The following GLB1 variants were observed in gnomAD, a reference collection of about 807,000 sequenced individuals.
GLB1 encodes beta-galactosidase.
A neutral mutation model predicts 74.0 loss-of-function variants in GLB1; 56 were observed. The ratio of observed to expected loss-of-function variants is 0.76; its 90% CI spans 0.61 to 0.94. The LOEUF (loss-of-function observed/expected upper bound fraction) is 0.94. GLB1 is among the 40% of genes least tolerant of loss of function. The pLI is 0.00. For missense variants in GLB1, 787 were observed against 845.5 expected, an observed-to-expected ratio of 0.93 and a Z score of 0.86; for synonymous variants, 323 against 323.6, an observed-to-expected ratio of 1.00 and a Z score of 0.02.
chr3:33,069,831 T>G, intron 2 of GLB1, among the ~76,000 whole-genome samples: 1 of 152,214 alleles, frequency 6.6e-6, no homozygotes, highest in Non-Finnish European at 1.5e-5. Flanking sequence ...ACTTTTATTT[T>G]AGGTTCAGGG....
At position 33,039,483 on chromosome 3, in the gene GLB1, T is replaced by C. The variant is rs1020868568; in HGVS notation, c.1068+6637A>G. On this transcript the variant is annotated intron_variant, in intron 10 of 15. Transcript: ENST00000307363. ...GCTCTAGAACTGACAAATGCAATCA[T>C]TGAAATTGAGTCTATAATATGGGTT... Among the ~76,000 whole-genome samples, 5 of 152,138 alleles carry C rather than the reference T, an allele frequency of 3.3e-5. No individual in the cohort carries two copies. In the East Asian group the frequency reaches 7.7e-4, roughly 23 times the overall value.
chr3:33,014,452 A>C, intron 14 of GLB1, 142 bp from the exon 15 acceptor site: 1 of 1,274,070 alleles, frequency 7.8e-7, no homozygotes, highest in Non-Finnish European at 1.1e-6. Flanking sequence ...GTGTACATCG[A>C]AGTAACACAG....
chr3:32,969,984 C>T, the GLB1 span, among the ~76,000 whole-genome samples: 3 of 152,198 alleles, frequency 2.0e-5, no homozygotes, highest in African/African-American at 7.2e-5. Flanking sequence ...GCTATCAGTA[C>T]ATGTTGGTGT....
intron 10 of GLB1, among the ~76,000 whole-genome samples, chr3:33,028,124 G>A (rs984405360): frequency 2.0e-5 from 3 of 151,970 alleles, no homozygotes; most frequent in African/African-American, 4.8e-5. Context: ...GCCTGGTCTC[G>A]AACTCCTGAA....
chr3:32,981,745 C>G, the GLB1 span, among the ~76,000 whole-genome samples: 7 of 151,512 alleles, frequency 4.6e-5, no homozygotes, highest in East Asian at 1.4e-3. Context: ...TGCACTCCAG[C>G]CTGGGAGACA....
intron 5 of GLB1, among the ~76,000 whole-genome samples, chr3:33,061,276 T>C (rs1301247118): frequency 6.6e-6 from 1 of 152,134 alleles, no homozygotes; most frequent in Non-Finnish European, 1.5e-5. Context: ...TAGCCAGGCA[T>C]GATGGCAGGT....
chr3:32,991,713 A>T (rs1036414706), downstream of GLB1, among the ~76,000 whole-genome samples: 2 of 152,230 alleles, frequency 1.3e-5, no homozygotes, highest in Non-Finnish European at 2.9e-5. Context: ...GACCACTTGT[A>T]GATGCTCTGT....
intron 6 of GLB1, among the ~76,000 whole-genome samples, chr3:33,057,707 A>ACAGGGAGGG (rs1266417363): frequency 2.6e-5 from 4 of 152,188 alleles, no homozygotes; most frequent in African/African-American, 4.8e-5. Flanking sequence ...AGGTGGGAGG[A>ACAGGGAGGG]CAGGGAGGGC....
chr3:33,096,291 T>A (rs1440503230), intron 1 of GLB1: 4 of 718,770 alleles, frequency 5.6e-6, no homozygotes, highest in Admixed American at 6.3e-5. Flanking sequence ...ACGCAGCGAG[T>A]GAAGCTGTCC....
At chr3:33,014,023 C>T in intron 15 of GLB1, 33 bp downstream of exon 15, 1 of 1,614,156 alleles carries the variant, frequency 6.2e-7, no homozygotes. Context: ...AAGTTTAGGC[C>T]TGAATTCAAA....
At chr3:32,968,303 T>C in the GLB1 span, among the ~76,000 whole-genome samples, 1 of 151,706 alleles carries the variant, frequency 6.6e-6, no homozygotes, top group East Asian at 1.9e-4. Flanking sequence ...GGAAAGGACA[T>C]TGGAAGGATA....
chr3:33,091,630 G>C, intron 1 of GLB1: 2 of 984,310 alleles, frequency 2.0e-6, no homozygotes, highest in Non-Finnish European at 2.4e-6. Context: ...AAACAATCTT[G>C]AGGTAGATAC....
chr3:33,014,706 C>A (rs1697171192), intron 14 of GLB1, among the ~76,000 whole-genome samples: 1 of 152,148 alleles, frequency 6.6e-6, no homozygotes, highest in East Asian at 1.9e-4. Context: ...GTGGCTCATG[C>A]CTGTAATCCC....
chr3:33,025,896 C>T (rs1697727150), intron 10 of GLB1, among the ~76,000 whole-genome samples: 1 of 152,172 alleles, frequency 6.6e-6, no homozygotes, highest in Admixed American at 6.5e-5. Context: ...TGACCCTGGC[C>T]CCGCGTCACT....
rs950872948 is a variant in GLB1 at position 33,068,990 on chromosome 3, C to T, written c.246-20G>A. The T allele has an allele frequency of 2.5e-6, 4 of 1,614,044 alleles. No individual in the cohort carries two copies. Among genetic ancestry groups the T allele is most frequent in the Non-Finnish European group, 2.5e-6 (3 of 1,180,034 alleles). ...ACATACCTGCCAAGACACACACAGC[C>T]CCTTCCTGGATACTTGGCAGAGTCA... On this transcript the variant is annotated intron_variant, in intron 2 of 15. Coordinates refer to ENST00000307363, the MANE Select transcript of GLB1 (RefSeq NM_000404.4).
At chr3:33,056,418 CTT>C (rs778914405) in intron 6 of GLB1, among the ~76,000 whole-genome samples, 16 of 143,796 alleles carry the variant, frequency 1.1e-4, no homozygotes, top group South Asian at 2.2e-4. Flanking sequence ...GTGTGTGTAT[CTT>C]TTTTTTTTTT....
intron 12 of GLB1, among the ~76,000 whole-genome samples, chr3:33,020,082 A>G (rs531018755): frequency 6.6e-6 from 1 of 152,282 alleles, no homozygotes; most frequent in Non-Finnish European, 1.5e-5. Context: ...TCATTGTCTG[A>G]AGTGCTCAAC....
chr3:32,962,528 T>C, the GLB1 span, among the ~76,000 whole-genome samples: 2 of 152,176 alleles, frequency 1.3e-5, no homozygotes, highest in Non-Finnish European at 2.9e-5. Context: ...AAAATATTTC[T>C]AGTTCCAATA....
At chr3:32,984,171 T>C in the GLB1 span, among the ~76,000 whole-genome samples, 29 of 152,274 alleles carry the variant, frequency 1.9e-4, no homozygotes, top group African/African-American at 7.0e-4. Flanking sequence ...AAATCCACAC[T>C]AGGGCTAGCC....
Sources: allele counts gnomAD v4.1 joint callset (sites outside exome capture counted in the v4.1 genomes callset), GRCh38; gene constraint gnomAD v4.1.1; transcripts MANE v1.5; gene names NCBI Gene and HGNC (gene_info 2026-07-23, HGNC 2026-07-21).